The following SLC17A9 variants were observed in gnomAD, a reference collection of about 807,000 sequenced individuals.
SLC17A9 encodes the protein voltage-gated purine nucleotide uniporter SLC17A9.
A neutral mutation model predicts 55.0 loss-of-function variants in SLC17A9; 49 were observed. That is an observed-to-expected ratio of 0.89 (90% confidence interval 0.71 to 1.13). The LOEUF (loss-of-function observed/expected upper bound fraction) is 1.13, where lower values mean the gene tolerates loss of function less well. Ranked by LOEUF, SLC17A9 falls within the 50% of genes most tolerant of loss-of-function variation. SLC17A9 has a pLI of 0.00. For missense variants in SLC17A9, 526 were observed against 569.3 expected, an observed-to-expected ratio of 0.92 and a Z score of 0.77; for synonymous variants, 256 against 247.4, an observed-to-expected ratio of 1.03 and a Z score of -0.32.
intron 1 of SLC17A9, 41 bp from the exon 2 acceptor site, chr20:62,956,724 C>T (rs758047580): frequency 1.3e-5 from 20 of 1,575,110 alleles, no homozygotes; most frequent in African/African-American, 4.1e-5. Context: ...GCAGCAGGGC[C>T]GTGGGGCCTC....
rs1466167386 is a variant in SLC17A9, at chr20:62,962,068, G to A, written c.498-556G>A. ...CTCAGCAGCAGATGGGGGCTGGGCC[G>A]CCAGCCAGGTTGCACCCAGAAGGGA... On this transcript the variant is annotated intron_variant, in intron 4 of 12. Coordinates refer to ENST00000370351, the MANE Select transcript of SLC17A9 (RefSeq NM_022082.4). This position sits in a 1 kb window ranked among gnomAD's most constrained non-coding sequence, Gnocchi z 5.5. Among the ~76,000 whole-genome samples, 4 of 152,212 alleles carry A rather than the reference G, an allele frequency of 2.6e-5. No homozygotes were observed. The highest frequency in any genetic ancestry group is 1.9e-4 in the East Asian group (1 of 5,198).
chr20:62,957,730 CTGTGTG>C (rs1271825979), intron 3 of SLC17A9, 150 bp downstream of exon 3: 3 of 602,706 alleles, frequency 5.0e-6, no homozygotes, highest in South Asian at 4.0e-5. Context: ...ATGCGTGCAC[CTGTGTG>C]TGTGTGCGTG....
chr20:62,962,594 G>A lies in SLC17A9; in HGVS notation c.498-30G>A. 1 of 1,611,858 alleles carries A rather than the reference G, an allele frequency of 6.2e-7. No individual in the cohort carries two copies. The highest frequency in any genetic ancestry group is 1.3e-5 in the African/African-American group (1 of 74,998). Reference sequence around the variant, plus strand: ...CCTCACCCGAGGGGTGCCGCTGAGGGGCCTGGCCACACTCCCCCTGTCTTT... The same window carrying A: ...CCTCACCCGAGGGGTGCCGCTGAGGAGCCTGGCCACACTCCCCCTGTCTTT... On this transcript the variant is annotated intron_variant, in intron 4 of 12. Transcript: ENST00000370351. This position sits in a 1 kb window ranked among gnomAD's most constrained non-coding sequence, Gnocchi z 5.5.
Position 62,965,522 on chromosome 20 carries a change from C to A in SLC17A9, c.946-88C>A, listed in dbSNP as rs73918895. On this transcript the variant is annotated intron_variant, in intron 9 of 12. Transcript: ENST00000370351. ...CAACCTGACCGTTGTGCGGTGCGCC[C>A]AGGGGGGCTTTCGGGCAGCTGAGTC... is the stretch of plus-strand genomic sequence containing the variant. The A allele has an allele frequency of 1.1e-3, 1,448 of 1,271,984 alleles. 15 individuals are homozygous for A. In the African/African-American group the frequency reaches 0.019, roughly 17 times the overall value. 78.8% of individuals were successfully genotyped at this position (1,271,984 alleles called of 1,614,324 possible). A position where few individuals can be genotyped will look rare whatever the true frequency, so the allele number is the denominator to read the frequency against.
chr20:62,956,614 G>A, intron 1 of SLC17A9, 151 bp from the exon 2 acceptor site: 2 of 694,462 alleles, frequency 2.9e-6, no homozygotes, highest in East Asian at 2.7e-5. Context: ...GGTGCGATTA[G>A]GTGTTTGAAT....
chr20:62,960,365 C>T, intron 3 of SLC17A9, 139 bp from the exon 4 acceptor site: 1 of 747,646 alleles, frequency 1.3e-6, no homozygotes, highest in Admixed American at 2.3e-5. Flanking sequence ...AAAGCCCTGC[C>T]CTGCTGGTCC....
chr20:62,963,220 G>T, intron 5 of SLC17A9, 53 bp from the exon 6 acceptor site: 1 of 1,579,636 alleles, frequency 6.3e-7, no homozygotes, highest in Non-Finnish European at 8.6e-7. Context: ...CTTTGGCAAC[G>T]GGTGGCGCCT....
intron 10 of SLC17A9, 103 bp downstream of exon 10, chr20:62,965,828 T>C (rs1242717283): frequency 9.2e-7 from 1 of 1,084,496 alleles, no homozygotes; most frequent in African/African-American, 1.6e-5. Context: ...AGTCTCTTCC[T>C]CACACTTCAC....
At chr20:62,963,896 C>T (rs1174584719) in intron 7 of SLC17A9, 16 of 598,564 alleles carry the variant, frequency 2.7e-5, no homozygotes, top group African/African-American at 1.1e-4. Flanking sequence ...TGCGGGCGCT[C>T]GGTGCCTTCC....
chr20:62,963,569 C>T lies in SLC17A9; in HGVS notation c.726-15C>T. ...GTGCGGCACCAGAGTCACGGTCCAC[C>T]ATTGGGCCCCGCAGGGCAGCCGTCG... is the stretch of plus-strand genomic sequence containing the variant. On this transcript the variant is annotated splice_polypyrimidine_tract_variant and intron_variant, in intron 6 of 12. Transcript: ENST00000370351. 6.3e-7 allele frequency: 1 copy of T among 1,582,382 alleles called. No homozygotes were observed. Among genetic ancestry groups the T allele is most frequent in the Non-Finnish European group, 8.6e-7 (1 of 1,164,052 alleles).
chr20:62,953,148 A>G (rs1373533736), intron 1 of SLC17A9: 1 of 1,521,724 alleles, frequency 6.6e-7, no homozygotes, highest in East Asian at 2.5e-5. Flanking sequence ...TCTTCCAGGC[A>G]GGGCTATGTT....
chr20:62,966,076 C>T (rs1233401117), intron 10 of SLC17A9, among the ~76,000 whole-genome samples: 1 of 129,586 alleles, frequency 7.7e-6, no homozygotes, highest in Non-Finnish European at 1.7e-5. Context: ...GGTTGGGGCT[C>T]GGGTTGGCGT....
chr20:62,952,736 TG>T lies in SLC17A9; in HGVS notation c.-93del. Reference sequence around the variant, plus strand: ...ACGGAAGCGCGCTGGGACTGACACGTGGACTTGGGCGGTGCTGCCCGGGTGG... The same window carrying T: ...ACGGAAGCGCGCTGGGACTGACACGTGACTTGGGCGGTGCTGCCCGGGTGG... On this transcript the variant is annotated 5_prime_UTR_variant, in exon 1 of 13. Coordinates refer to ENST00000370351, the MANE Select transcript of SLC17A9 (RefSeq NM_022082.4). 7.7e-7 allele frequency: 1 copy of T among 1,299,048 alleles called. No homozygotes were observed. Among genetic ancestry groups the T allele is most frequent in the South Asian group, 1.4e-5 (1 of 69,436 alleles). The allele number at this position is 1,299,048 out of a possible 1,614,324, so 80.5% of individuals were successfully genotyped here. A position where few individuals can be genotyped will look rare whatever the true frequency, so the allele number is the denominator to read the frequency against.
chr20:62,965,634 G>T lies in SLC17A9; in HGVS notation c.970G>T (p.Val324Phe). The T allele has an allele frequency of 1.2e-6, 2 of 1,613,642 alleles. No individual in the cohort carries two copies. The highest frequency in any genetic ancestry group is 1.7e-6 in the Non-Finnish European group (2 of 1,180,024). The change falls in exon 10 of 13, where the codon GTC becomes TTC. Residue 324 changes from valine to phenylalanine, a missense_variant. Transcript: ENST00000370351. ...MQGMGLGLSSVFALCLGHTSS... is the reference protein window; with the variant it reads ...MQGMGLGLSSFFALCLGHTSS... ...GGGCATGGGCCTTGGCCTCTCCAGC[G>T]TCTTTGCTCTGTGCCTGGGCCACAC... is the stretch of plus-strand genomic sequence containing the variant.
rs1363829602 is a variant in SLC17A9, at chr20:62,969,114, G to C, written c.*1614G>C. On this transcript the variant is annotated 3_prime_UTR_variant, in exon 13 of 13. Coordinates refer to ENST00000370351, the MANE Select transcript of SLC17A9 (RefSeq NM_022082.4). Reference sequence around the variant, plus strand: ...AGAAGCCTGGCAGTTGCTGTCTGGAGGCCAGGAAGCCAAGCCCAGGAAGCC... The same window carrying C: ...AGAAGCCTGGCAGTTGCTGTCTGGACGCCAGGAAGCCAAGCCCAGGAAGCC... 2 of 152,218 alleles carry C rather than the reference G, an allele frequency of 1.3e-5. No homozygotes were observed. Among genetic ancestry groups the C allele is most frequent in the African/African-American group, 4.8e-5 (2 of 41,446 alleles). The allele number at this position is 152,218 out of a possible 1,614,324, so 9.4% of individuals were successfully genotyped here.
chr20:62,963,385 T>C lies in SLC17A9; in HGVS notation c.725+16T>C. 1.2e-6 allele frequency: 2 copies of C among 1,611,538 alleles called. No individual in the cohort carries two copies. Among genetic ancestry groups the C allele is most frequent in the Non-Finnish European group, 1.7e-6 (2 of 1,178,598 alleles). ...CTGCTGTCTGGTGAGCTGGGACCTG[T>C]GCCACCCCTTGGAGCAGCGGCAGGG... is the stretch of plus-strand genomic sequence containing the variant. On this transcript the variant is annotated intron_variant, in intron 6 of 12. Coordinates refer to ENST00000370351, the MANE Select transcript of SLC17A9 (RefSeq NM_022082.4).
rs1029211820 is a variant in SLC17A9, at chr20:62,967,875, G to A, written c.*375G>A. On this transcript the variant is annotated 3_prime_UTR_variant, in exon 13 of 13. Coordinates refer to ENST00000370351, the MANE Select transcript of SLC17A9 (RefSeq NM_022082.4). ...ACCTCCCTCGGTCGCCGTGTTCTCC[G>A]CAAGCCTCCTGCAGCGCCCGCCTGC... The A allele has an allele frequency of 3.4e-5, 6 of 175,688 alleles. No homozygotes were observed. The highest frequency in any genetic ancestry group is 1.4e-4 in the South Asian group (1 of 7,106). The allele number at this position is 175,688 out of a possible 1,614,324, so 10.9% of individuals were successfully genotyped here. A position where few individuals can be genotyped will look rare whatever the true frequency, so the allele number is the denominator to read the frequency against.
intron 3 of SLC17A9, among the ~76,000 whole-genome samples, chr20:62,959,235 G>C (rs2065568148): frequency 6.6e-6 from 1 of 152,216 alleles, no homozygotes. Flanking sequence ...CCCTGGGGCA[G>C]GCGGCTGTCC....
chr20:62,960,380 G>A (rs1200795776), intron 3 of SLC17A9, 124 bp from the exon 4 acceptor site: 2 of 837,710 alleles, frequency 2.4e-6, no homozygotes, highest in African/African-American at 1.7e-5. Context: ...TGGTCCCTCG[G>A]GTGGGGAGGT....
Sources: allele counts gnomAD v4.1 joint callset (sites outside exome capture counted in the v4.1 genomes callset), GRCh38; gene constraint gnomAD v4.1.1; non-coding constraint Gnocchi (gnomAD v3.1); transcripts MANE v1.5; gene names NCBI Gene and HGNC (gene_info 2026-07-23, HGNC 2026-07-21).